NXN: variants seen among roughly 807,000 people sequenced by gnomAD.
The protein encoded by NXN is nucleoredoxin 1.
A neutral mutation model predicts 48.6 loss-of-function variants in NXN; 16 were observed. The observed-to-expected ratio is 0.33, with a 90% CI of 0.22 to 0.50. The LOEUF (loss-of-function observed/expected upper bound fraction) is 0.50. Among genes scored for constraint, NXN ranks in the 20% least tolerant of loss-of-function variants. NXN has a pLI of 0.98. For missense variants in NXN, 492 were observed against 605.5 expected (o/e 0.81, Z 1.97); for synonymous variants, 281 against 269.6 (o/e 1.04, Z -0.41).
At chr17:936,191 C>T (rs561687459) in intron 1 of NXN, among the ~76,000 whole-genome samples, 2 of 152,094 alleles carry the variant, frequency 1.3e-5, no homozygotes, top group African/African-American at 2.4e-5. Flanking sequence ...GCACGCCACT[C>T]GATTCAACCT....
intron 1 of NXN, among the ~76,000 whole-genome samples, chr17:831,005 A>AG (rs1378085964): frequency 1.9e-4 from 29 of 152,024 alleles, no homozygotes; most frequent in African/African-American, 7.0e-4. Flanking sequence ...CGTCTCAAAA[A>AG]AAAAAAAAAA....
At position 892,963 on chromosome 17, in the gene NXN, T is replaced by C. The variant is rs181156930; in HGVS notation, c.361-66885A>G. Among the ~76,000 whole-genome samples the C allele has an allele frequency of 3.3e-5, 5 of 152,362 alleles. No homozygotes were observed. In the East Asian group the frequency reaches 7.7e-4, roughly 24 times the overall value. On this transcript the variant is annotated intron_variant, in intron 1 of 7. Transcript: ENST00000336868. The stretch of plus-strand genomic sequence containing the variant: ...TGCAAGATGGTAATGACAGCAGGAA[T>C]ACCTGGAGGGCAAGGGAGGGGTACC...
chr17:938,727 C>CA (rs779965295), intron 1 of NXN, among the ~76,000 whole-genome samples: 152 of 151,596 alleles, frequency 1.0e-3, no homozygotes, highest in Non-Finnish European at 1.7e-3. Context: ...AGAAAACAGG[C>CA]AAAATCAAAA....
rs779509441 is a variant in NXN at position 819,466 on chromosome 17, G to A, written c.793C>T (p.Arg265Cys). 3.4e-5 allele frequency: 55 copies of A among 1,613,968 alleles called. No individual in the cohort carries two copies. The highest frequency in any genetic ancestry group is 4.4e-5 in the Non-Finnish European group (52 of 1,179,982). Residue 265 changes from arginine to cysteine, a missense_variant, in exon 5 of 8, where the codon CGC (arginine) becomes TGC (cysteine). By Grantham distance (180) the Arg-to-Cys change is radical. Coordinates refer to ENST00000336868, the MANE Select transcript of NXN (RefSeq NM_022463.5). The part of the protein sequence containing the change: ...VPYTDEARRS[R>C]LNRLYGIQGI... ...TGGATTCCGTACAGCCGGTTGAGGC[G>A]CGACCGCCGGGCCTCATCCGTGTAG...
chr17:823,172 G>A (rs1912908401), intron 3 of NXN, among the ~76,000 whole-genome samples: 1 of 151,734 alleles, frequency 6.6e-6, no homozygotes, highest in South Asian at 2.1e-4. Flanking sequence ...GCCGAGGCGG[G>A]CAGATCACCT....
intron 1 of NXN, among the ~76,000 whole-genome samples, chr17:915,193 A>C (rs372700019): frequency 1.5e-4 from 23 of 152,150 alleles, no homozygotes; most frequent in African/African-American, 5.1e-4. Context: ...CTCAGCCTCC[A>C]AAAGTGCTGG....
chr17:814,684 C>T (rs867911561), intron 5 of NXN, among the ~76,000 whole-genome samples: 3 of 152,344 alleles, frequency 2.0e-5, no homozygotes, highest in Non-Finnish European at 2.9e-5. Context: ...CTAGTGACTT[C>T]CCGTGGAGCT....
At chr17:802,781 G>T (rs1022109664) in intron 7 of NXN, among the ~76,000 whole-genome samples, 1 of 152,234 alleles carries the variant, frequency 6.6e-6, no homozygotes. Flanking sequence ...CTGAGGTGAT[G>T]AATGGGTGGC....
chr17:974,585 A>C (rs2069435538), intron 1 of NXN, among the ~76,000 whole-genome samples: 1 of 151,868 alleles, frequency 6.6e-6, no homozygotes, highest in Non-Finnish European at 1.5e-5. Flanking sequence ...TCACAAATGG[A>C]AAAGGAACGT....
chr17:834,082 G>T (rs554305720), intron 1 of NXN, among the ~76,000 whole-genome samples: 3 of 152,326 alleles, frequency 2.0e-5, no homozygotes, highest in East Asian at 3.9e-4. Context: ...CACTCTGGGG[G>T]GACGAGGCGG....
intron 1 of NXN, among the ~76,000 whole-genome samples, chr17:853,874 C>T (rs981495649): frequency 6.6e-6 from 1 of 151,848 alleles, no homozygotes; most frequent in Non-Finnish European, 1.5e-5. Context: ...CAGGCACCCG[C>T]CACCACACGG....
intron 1 of NXN, among the ~76,000 whole-genome samples, chr17:895,539 GCA>G (rs2068469880): frequency 6.6e-6 from 1 of 151,750 alleles, no homozygotes; most frequent in Admixed American, 6.6e-5. Context: ...GTGGCCGGGC[GCA>G]GTGGCTCACG....
Position 931,451 on chromosome 17 carries a change from C to CA in NXN, c.360+47867dup, listed in dbSNP as rs199620868. ...CTGGTGACAGAGCAAGGCCCTGTCTCAAAAAAAAAAAACAAGAAAGATAAA... is the reference window on the plus strand; with the variant it reads ...CTGGTGACAGAGCAAGGCCCTGTCTCAAAAAAAAAAAAACAAGAAAGATAAA... On this transcript the variant is annotated intron_variant, in intron 1 of 7. Coordinates refer to ENST00000336868, the MANE Select transcript of NXN (RefSeq NM_022463.5). Among the ~76,000 whole-genome samples the CA allele has an allele frequency of 1.2e-3, 154 of 123,546 alleles. 1 individual carries two copies. The highest frequency in any genetic ancestry group is 2.8e-3 in the East Asian group (12 of 4,360). The allele number at this position is 123,546 out of a possible 152,430, so 81.1% of individuals were successfully genotyped here.
At chr17:824,048 T>C (rs1028038761) in intron 2 of NXN, among the ~76,000 whole-genome samples, 11 of 150,756 alleles carry the variant, frequency 7.3e-5, no homozygotes, top group East Asian at 1.9e-4. Context: ...TTTTTTTTTT[T>C]TTTTTTTTTG....
chr17:806,255 C>T (rs1252465313), intron 5 of NXN, among the ~76,000 whole-genome samples: 2 of 119,438 alleles, frequency 1.7e-5, no homozygotes, highest in Non-Finnish European at 3.4e-5. Context: ...CTGCAGCCCC[C>T]GCCGTCTGCA....
At chr17:832,724 G>T (rs945726201) in intron 1 of NXN, among the ~76,000 whole-genome samples, 1 of 152,048 alleles carries the variant, frequency 6.6e-6, no homozygotes, top group East Asian at 1.9e-4. Flanking sequence ...ACTGTAACCT[G>T]CATCTTCCCT....
At chr17:836,893 GC>G (rs1322146734) in intron 1 of NXN, among the ~76,000 whole-genome samples, 7 of 152,078 alleles carry the variant, frequency 4.6e-5, no homozygotes, top group African/African-American at 1.7e-4. Context: ...CCGGGCTCAA[GC>G]CATCCTCCCA....
intron 1 of NXN, among the ~76,000 whole-genome samples, chr17:926,755 G>A (rs1436121096): frequency 6.7e-6 from 1 of 150,186 alleles, no homozygotes; most frequent in East Asian, 2.0e-4. Context: ...ATGTTCCCAA[G>A]CTGCTCAAAC....
intron 1 of NXN, among the ~76,000 whole-genome samples, chr17:828,105 T>A (rs908008080): frequency 2.0e-5 from 3 of 152,120 alleles, no homozygotes; most frequent in African/African-American, 7.2e-5. Context: ...CAGTTTTTTT[T>A]GTTTTTTGGT....
Sources: allele counts gnomAD v4.1 joint callset (sites outside exome capture counted in the v4.1 genomes callset), GRCh38; gene constraint gnomAD v4.1.1; transcripts MANE v1.5; gene names NCBI Gene and HGNC (gene_info 2026-07-23, HGNC 2026-07-21).